The following AFG2A variants were observed in gnomAD, a reference collection of about 807,000 sequenced individuals.
The protein encoded by AFG2A is AAA ATPase AFG2A.
the AFG2A span, among the ~76,000 whole-genome samples, chr4:122,937,093 T>G: frequency 1.5e-4 from 23 of 152,132 alleles, no homozygotes; most frequent in African/African-American, 5.1e-4. Flanking sequence ...AAGGCTGTAG[T>G]GAGCCATGAT....
the AFG2A span, among the ~76,000 whole-genome samples, chr4:123,051,484 T>A: frequency 6.6e-6 from 1 of 152,018 alleles, no homozygotes; most frequent in African/African-American, 2.4e-5. Flanking sequence ...TATTTTTAAT[T>A]GTTTTGTATT....
At chr4:123,278,836 A>G in the AFG2A span, among the ~76,000 whole-genome samples, 2 of 152,316 alleles carry the variant, frequency 1.3e-5, no homozygotes, top group East Asian at 3.9e-4. Context: ...AATATAAAAA[A>G]TATAAATATA....
At chr4:123,121,838 A>G in the AFG2A span, among the ~76,000 whole-genome samples, 11 of 152,340 alleles carry the variant, frequency 7.2e-5, no homozygotes, top group South Asian at 2.1e-3. Flanking sequence ...GTCAAATTCC[A>G]TAGACCTTTT....
the AFG2A span, among the ~76,000 whole-genome samples, chr4:123,110,231 C>A: frequency 6.6e-6 from 1 of 152,104 alleles, no homozygotes; most frequent in African/African-American, 2.4e-5. Flanking sequence ...CATAAAAGTT[C>A]TCTTCCTTCC....
chr4:123,083,921 A>G, the AFG2A span, among the ~76,000 whole-genome samples: 5 of 152,048 alleles, frequency 3.3e-5, no homozygotes, highest in Admixed American at 2.6e-4. Flanking sequence ...GGTTGAATTC[A>G]CCAGGAAACG....
chr4:123,313,895 C>G, the AFG2A span: 1 of 1,573,768 alleles, frequency 6.4e-7, no homozygotes, highest in Non-Finnish European at 8.6e-7. Context: ...CAGATTGTAG[C>G]TGTCTGCAGA....
At chr4:123,159,208 T>C in the AFG2A span, among the ~76,000 whole-genome samples, 2 of 152,198 alleles carry the variant, frequency 1.3e-5, no homozygotes, top group Non-Finnish European at 2.9e-5. Context: ...TTATAGATAA[T>C]TTATTATTTC....
At chr4:123,100,336 A>G in the AFG2A span, among the ~76,000 whole-genome samples, 110,320 of 151,762 alleles carry the variant, frequency 0.73, 40,737 homozygotes, top group East Asian at 0.97. Flanking sequence ...TCTGTAAAGA[A>G]CAGTTTTTAA....
the AFG2A span, among the ~76,000 whole-genome samples, chr4:122,947,009 G>A: frequency 3.2e-4 from 48 of 152,172 alleles, no homozygotes; most frequent in African/African-American, 1.1e-3. Context: ...ACAGGAGGAA[G>A]CATTTAGGCT....
the AFG2A span, among the ~76,000 whole-genome samples, chr4:123,022,861 AATG>A: frequency 1.3e-5 from 2 of 152,158 alleles, no homozygotes; most frequent in African/African-American, 4.8e-5. Context: ...AGCCATAAAA[AATG>A]ATGAGTTCAT....
chr4:123,190,455 A>G, the AFG2A span, among the ~76,000 whole-genome samples: 1 of 152,216 alleles, frequency 6.6e-6, no homozygotes, highest in African/African-American at 2.4e-5. Flanking sequence ...GTGAGATTGC[A>G]CAGAGATGAA....
At chr4:123,047,303 G>A in the AFG2A span, among the ~76,000 whole-genome samples, 1 of 152,126 alleles carries the variant, frequency 6.6e-6, no homozygotes, top group Admixed American at 6.5e-5. Flanking sequence ...ACTTGCATAA[G>A]ATAAGAGATC....
At chr4:123,105,220 C>T in the AFG2A span, among the ~76,000 whole-genome samples, 2,551 of 152,168 alleles carry the variant, frequency 0.017, 39 homozygotes, top group Non-Finnish European at 0.026. Flanking sequence ...TGCCTGTGCT[C>T]GATCAATGGA....
At chr4:123,292,910 G>C in the AFG2A span, among the ~76,000 whole-genome samples, 1 of 152,204 alleles carries the variant, frequency 6.6e-6, no homozygotes, top group South Asian at 2.1e-4. Context: ...CCCAGTGGTG[G>C]ACAGAAGTCC....
chr4:123,001,633 C>T, the AFG2A span, among the ~76,000 whole-genome samples: 2 of 151,762 alleles, frequency 1.3e-5, no homozygotes, highest in East Asian at 3.9e-4. Flanking sequence ...TTTCTTAATC[C>T]TGAGTTGTAG....
chr4:122,931,575 G>A, the AFG2A span, among the ~76,000 whole-genome samples: 6 of 151,952 alleles, frequency 3.9e-5, no homozygotes, highest in Non-Finnish European at 8.8e-5. Flanking sequence ...ATTCTTTCTG[G>A]TAGATTTTAT....
the AFG2A span, among the ~76,000 whole-genome samples, chr4:123,288,296 T>C: frequency 6.6e-6 from 1 of 152,074 alleles, no homozygotes; most frequent in African/African-American, 2.4e-5. Context: ...CTAGATTACA[T>C]CTATAAGGTG....
chr4:123,234,679 A>G, the AFG2A span, among the ~76,000 whole-genome samples: 1 of 152,122 alleles, frequency 6.6e-6, no homozygotes, highest in African/African-American at 2.4e-5. Flanking sequence ...GATACAAATT[A>G]TTCTTATCCC....
chr4:123,020,302 T>C, the AFG2A span, among the ~76,000 whole-genome samples: 2 of 152,002 alleles, frequency 1.3e-5, no homozygotes, highest in African/African-American at 4.8e-5. Flanking sequence ...ATGGATAATA[T>C]AGAAATTGCT....
Sources: allele counts gnomAD v4.1 joint callset (sites outside exome capture counted in the v4.1 genomes callset), GRCh38; gene constraint gnomAD v4.1.1; transcripts MANE v1.5; gene names NCBI Gene and HGNC (gene_info 2026-07-23, HGNC 2026-07-21).